Variants in RUSC2 observed in about 807,000 individuals in gnomAD.
RUSC2 encodes the protein RUN and SH3 domain containing 2, also known as AP-4 complex accessory subunit RUSC2.
In RUSC2, 34 loss-of-function variants were observed where a neutral mutation model predicts 122.2. The observed-to-expected ratio is 0.28, with a 90% CI of 0.21 to 0.37. The LOEUF (loss-of-function observed/expected upper bound fraction) is 0.37, where lower values mean the gene tolerates loss of function less well. Ranked by LOEUF, RUSC2 falls within the 10% of genes least tolerant of loss-of-function variation. RUSC2 has a pLI of 1.00. For missense variants in RUSC2, 1,747 were observed against 1,952.4 expected (o/e 0.89, Z 1.98); for synonymous variants, 784 against 790.0 (o/e 0.99, Z 0.13).
chr9:35,492,347 A>G (rs938235803), intron 1 of RUSC2, among the ~76,000 whole-genome samples: 2 of 152,080 alleles, frequency 1.3e-5, no homozygotes, highest in African/African-American at 4.8e-5. Flanking sequence ...CCTGTTACTC[A>G]TACACAATGA....
At chr9:35,500,552 G>T (rs1441169686) in intron 1 of RUSC2, among the ~76,000 whole-genome samples, 2 of 152,174 alleles carry the variant, frequency 1.3e-5, no homozygotes, top group East Asian at 3.8e-4. Context: ...TTGTGGATGG[G>T]CTGGTGGTTT....
rs1309780346 is a variant in RUSC2 at position 35,546,463 on chromosome 9, C to T, written c.-59C>T. On this transcript the variant is annotated 5_prime_UTR_variant, in exon 2 of 12. Coordinates refer to ENST00000361226, the MANE Select transcript of RUSC2 (RefSeq NM_014806.5). This position sits in a 1 kb window ranked among gnomAD's most constrained non-coding sequence, Gnocchi z 4.3. ...CTCTCCTGATGAAATGTGTTCTGCC[C>T]CACTGGGCTCCAGGGACAGTGTCTG... 4.0e-6 allele frequency: 5 copies of T among 1,249,944 alleles called. No individual in the cohort carries two copies. The highest frequency in any genetic ancestry group is 2.9e-5 in the Admixed American group (1 of 34,432). 77.4% of individuals were successfully genotyped at this position (1,249,944 alleles called of 1,614,324 possible).
At chr9:35,499,737 C>G (rs1206709316) in intron 1 of RUSC2, among the ~76,000 whole-genome samples, 1 of 152,124 alleles carries the variant, frequency 6.6e-6, no homozygotes, top group African/African-American at 2.4e-5. Flanking sequence ...AGAAAATGCA[C>G]CCTTGTATTT....
intron 1 of RUSC2, among the ~76,000 whole-genome samples, chr9:35,533,467 A>G (rs1202086509): frequency 6.6e-6 from 1 of 152,192 alleles, no homozygotes. Flanking sequence ...TAACAGCTTT[A>G]TTGAAATATA....
At chr9:35,498,366 C>T (rs1183596640) in intron 1 of RUSC2, among the ~76,000 whole-genome samples, 1 of 151,922 alleles carries the variant, frequency 6.6e-6, no homozygotes, top group Non-Finnish European at 1.5e-5. Flanking sequence ...TGGCGAAACC[C>T]TGTCTCTATT....
chr9:35,546,804 G>A lies in RUSC2; in HGVS notation c.283G>A (p.Gly95Arg). The A allele has an allele frequency of 6.2e-7, 1 of 1,611,542 alleles. No homozygotes were observed. The highest frequency in any genetic ancestry group is 8.5e-7 in the Non-Finnish European group (1 of 1,178,842). The change falls in exon 2 of 12, where the codon GGA (glycine) becomes AGA (arginine). Residue 95 changes from glycine (G) to arginine (R), a missense_variant. Gly to Arg is a moderately radical substitution (Grantham distance 125). Transcript: ENST00000361226. This position sits in a 1 kb window ranked among gnomAD's most constrained non-coding sequence, Gnocchi z 4.3. ...KSRSRDGRGP[G>R]APKRHNPFLL... ...TAGGAGTCGGGATGGAAGAGGCCCT[G>A]GAGCCCCCAAACGACACAACCCCTT...
At position 35,561,782 on chromosome 9, in the gene RUSC2, G is replaced by A; in HGVS notation, c.*400G>A. On this transcript the variant is annotated 3_prime_UTR_variant, in exon 12 of 12. Transcript: ENST00000361226. ...TCCCTAAGCCCCCCAGCTGTAAATA[G>A]GCTGTGGCCAGTGCCTGGTCATCAG... 1.8e-6 allele frequency: 1 copy of A among 566,482 alleles called. No individual in the cohort carries two copies. The highest frequency in any genetic ancestry group is 2.9e-5 in the Admixed American group (1 of 33,984). 35.1% of individuals were successfully genotyped at this position (566,482 alleles called of 1,614,324 possible).
In RUSC2 at chr9:35,513,137, A is replaced by T. The variant is rs541300543; in HGVS notation, c.-93+22965A>T. Among the ~76,000 whole-genome samples the T allele has an allele frequency of 2.0e-5, 3 of 152,338 alleles. No homozygotes were observed. The East Asian group carries it at 5.8e-4, about 29-fold the overall frequency. ...ACAAATCAAAGGGAACTGAAAGAGC[A>T]GCCATTCTTAGGTTTTCAACCATGG... On this transcript the variant is annotated intron_variant, in intron 1 of 11. Transcript: ENST00000361226.
At position 35,560,220 on chromosome 9, in the gene RUSC2, G is replaced by C. The variant is rs1011482470; in HGVS notation, c.3580G>C (p.Val1194Leu). 1 of 1,604,240 alleles carries C rather than the reference G, an allele frequency of 6.2e-7. No homozygotes were observed. The highest frequency in any genetic ancestry group is 8.5e-7 in the Non-Finnish European group (1 of 1,179,158). ...QQRQHKELLR[V>L]SQDLLLSAHS... The stretch of plus-strand genomic sequence containing the variant: ...GCGGCAGCACAAGGAACTGCTGCGG[G>C]TGTCCCAGGACCTGCTGCTGTCTGC... Residue 1194 changes from valine (V) to leucine (L), a missense_variant, in exon 10 of 12, where the codon GTG becomes CTG. By Grantham distance (32) the Val-to-Leu change is conservative. Transcript: ENST00000361226.
intron 1 of RUSC2, among the ~76,000 whole-genome samples, chr9:35,535,226 C>G (rs1001459690): frequency 6.6e-6 from 1 of 152,008 alleles, no homozygotes; most frequent in Admixed American, 6.5e-5. Flanking sequence ...AGTGATTCTC[C>G]TGCCTCAGCC....
rs1485411783 is a variant in RUSC2 at position 35,555,759 on chromosome 9, C to T, written c.2656+58C>T. 6.5e-7 allele frequency: 1 copy of T among 1,534,372 alleles called. No individual in the cohort carries two copies. The highest frequency in any genetic ancestry group is 1.4e-5 in the African/African-American group (1 of 71,982). On this transcript the variant is annotated intron_variant, in intron 3 of 11. Transcript: ENST00000361226. This position sits in a 1 kb window ranked among gnomAD's most constrained non-coding sequence, Gnocchi z 4.6. ...CCACCTCACGCAAGCACTTCCACCA[C>T]CTCCCCTTTGAGTGGTTGCTTACAC... is the stretch of plus-strand genomic sequence containing the variant.
rs1267298276 is a variant in RUSC2 at position 35,555,680 on chromosome 9, A to G, written c.2635A>G (p.Met879Val). ...GGCCCGGGGAGGTGGTGAGGGCAGC[A>G]TGGCCACCAGGCCCAGTAATGGTAC... The part of the protein sequence containing the change: ...SLARGGGEGS[M>V]ATRPSNANHL... The change falls in exon 3 of 12, where the codon ATG becomes GTG. Residue 879 changes from methionine (M) to valine (V), a missense_variant. By Grantham distance (21) the Met-to-Val change is conservative. Transcript: ENST00000361226. This position sits in a 1 kb window ranked among gnomAD's most constrained non-coding sequence, Gnocchi z 4.6. 2.5e-6 allele frequency: 4 copies of G among 1,594,772 alleles called. No individual in the cohort carries two copies. Among genetic ancestry groups the G allele is most frequent in the South Asian group, 1.1e-5 (1 of 90,264 alleles).
chr9:35,491,643 A>T (rs1057343729), intron 1 of RUSC2, among the ~76,000 whole-genome samples: 12 of 152,024 alleles, frequency 7.9e-5, no homozygotes, highest in African/African-American at 2.9e-4. Context: ...CCACCCTCTT[A>T]CATGTCTTTA....
intron 1 of RUSC2, among the ~76,000 whole-genome samples, chr9:35,498,970 T>G (rs894809236): frequency 2.0e-5 from 3 of 151,988 alleles, no homozygotes; most frequent in African/African-American, 7.3e-5. Flanking sequence ...CAACATTATT[T>G]TAGCCTGGTA....
chr9:35,561,374 C>CAAAACT lies in RUSC2; in HGVS notation c.4544_4549dup (p.Ter1517delinsTer). 6.2e-7 allele frequency: 1 copy of CAAAACT among 1,610,980 alleles called. No homozygotes were observed. The highest frequency in any genetic ancestry group is 8.5e-7 in the Non-Finnish European group (1 of 1,178,460). ...TCCAAGTCCAACCCCTGGAAGCAGCCAAAACTGAGGCCCTGTGCATGCTGG... is the reference window on the plus strand; with the variant it reads ...TCCAAGTCCAACCCCTGGAAGCAGCCAAAACTAAAACTGAGGCCCTGTGCATGCTGG... On this transcript the variant is annotated stop_gained and inframe_insertion, in exon 12 of 12. Transcript: ENST00000361226. LOFTEE classifies it high-confidence loss of function.
chr9:35,520,566 C>T (rs1419838961), intron 1 of RUSC2, among the ~76,000 whole-genome samples: 1 of 152,156 alleles, frequency 6.6e-6, no homozygotes, highest in Non-Finnish European at 1.5e-5. Flanking sequence ...GTGCTTCAGT[C>T]CACTGCCTGT....
Position 35,540,194 on chromosome 9 carries a change from C to A in RUSC2, c.-92-6236C>A, listed in dbSNP as rs942384291. Among the ~76,000 whole-genome samples the A allele has an allele frequency of 3.9e-5, 6 of 152,034 alleles. No individual in the cohort carries two copies. The South Asian group carries it at 8.3e-4, about 21-fold the overall frequency. The stretch of plus-strand genomic sequence containing the variant: ...GACCAGCCTGGGCAACATGGTGAAA[C>A]CCTGTCTCTACAAAAAATTTAAAAA... On this transcript the variant is annotated intron_variant, in intron 1 of 11. Transcript: ENST00000361226.
At chr9:35,493,590 GCCTCC>G (rs1820611985) in intron 1 of RUSC2, among the ~76,000 whole-genome samples, 1 of 152,050 alleles carries the variant, frequency 6.6e-6, no homozygotes, top group Non-Finnish European at 1.5e-5. Context: ...TGCAACTTTT[GCCTCC>G]CAGTTCAGGT....
chr9:35,502,565 ATT>A (rs950991283), intron 1 of RUSC2, among the ~76,000 whole-genome samples: 1 of 152,132 alleles, frequency 6.6e-6, no homozygotes, highest in Non-Finnish European at 1.5e-5. Flanking sequence ...AAGTTAAAAA[ATT>A]TTTTTTGTTT....
Sources: allele counts gnomAD v4.1 joint callset (sites outside exome capture counted in the v4.1 genomes callset), GRCh38; gene constraint gnomAD v4.1.1; non-coding constraint Gnocchi (gnomAD v3.1); transcripts MANE v1.5; gene names NCBI Gene and HGNC (gene_info 2026-07-23, HGNC 2026-07-21).